Variants in MGA observed in about 807,000 individuals in gnomAD.
The protein encoded by MGA is MAX dimerization protein MGA, also known as MAX gene-associated protein.
In MGA, 40 loss-of-function variants were observed where a neutral mutation model predicts 261.1. That is an observed-to-expected ratio of 0.15 (90% CI 0.12 to 0.20). MGA has a LOEUF of 0.20. Ranked by LOEUF, MGA falls within the 10% of genes least tolerant of loss-of-function variation. The pLI is 1.00. For synonymous variants in MGA, 1,302 were observed against 1,290.6 expected (o/e 1.01, Z -0.19); for missense variants, 3,397 against 3,630.5 (o/e 0.94, Z 1.65).
intron 4 of MGA, 52 bp from the exon 5 acceptor site, chr15:41,699,012 T>C: frequency 1.9e-6 from 3 of 1,559,454 alleles, no homozygotes; most frequent in Non-Finnish European, 2.6e-6. Flanking sequence ...GCAACATTCA[T>C]TTGTCTGTAG....
Position 41,710,827 on chromosome 15 carries a change from G to A in MGA, c.2562G>A (p.Val854=), listed in dbSNP as rs2060351576. The A allele has an allele frequency of 1.9e-6, 3 of 1,613,988 alleles. No homozygotes were observed. The highest frequency in any genetic ancestry group is 2.5e-6 in the Non-Finnish European group (3 of 1,179,886). ...CTAATGCTCCCACATCTCCTGTGGT[G>A]TACCAGCTTCCCACTAAGAGTACCA... is the stretch of plus-strand genomic sequence containing the variant. Residue 854 remains valine (V), a synonymous_variant, in exon 8 of 24, where the codon GTG becomes GTA. Transcript: ENST00000219905.
At chr15:41,676,541 A>G (rs1338330870) in intron 2 of MGA, among the ~76,000 whole-genome samples, 3 of 152,168 alleles carry the variant, frequency 2.0e-5, no homozygotes, top group Non-Finnish European at 4.4e-5. Context: ...TGTTCCCACA[A>G]TCTAGAATCC....
intron 1 of MGA, among the ~76,000 whole-genome samples, chr15:41,622,099 G>A (rs2056311709): frequency 6.6e-6 from 1 of 152,150 alleles, no homozygotes; most frequent in Admixed American, 6.5e-5. Context: ...TGGTTTTCCA[G>A]CGTCTTTGCT....
intron 13 of MGA, among the ~76,000 whole-genome samples, chr15:41,738,256 G>A (rs565242505): frequency 4.0e-5 from 6 of 151,640 alleles, no homozygotes; most frequent in South Asian, 2.1e-4. Flanking sequence ...AAAATTAGCC[G>A]GGCATGGTGG....
chr15:41,659,320 G>C (rs1378115643), upstream of MGA, among the ~76,000 whole-genome samples: 1 of 152,114 alleles, frequency 6.6e-6, no homozygotes, highest in African/African-American at 2.4e-5. Context: ...GCCTCCTTCT[G>C]TTGACTCCTT....
chr15:41,741,929 C>CT (rs971331978), intron 14 of MGA, among the ~76,000 whole-genome samples: 14 of 150,992 alleles, frequency 9.3e-5, no homozygotes, highest in African/African-American at 3.4e-4. Context: ...CCAGGCTGGT[C>CT]TTGAACTCCT....
intron 2 of MGA, chr15:41,691,548 A>G: frequency 2.5e-6 from 1 of 403,234 alleles, no homozygotes; most frequent in Non-Finnish European, 5.4e-6. Flanking sequence ...AATCATCCTG[A>G]TAGAATCTCT....
chr15:41,686,602 G>A (rs2058985557), intron 2 of MGA, among the ~76,000 whole-genome samples: 1 of 151,976 alleles, frequency 6.6e-6, no homozygotes, highest in East Asian at 1.9e-4. Context: ...ATTTTTTATA[G>A]CATGTTGGGT....
Position 41,743,114 on chromosome 15 carries a change from C to G in MGA, c.5154C>G (p.Gly1718=). The change falls in exon 15 of 24, where the codon GGC becomes GGG. Residue 1718 remains glycine, a synonymous_variant. Transcript: ENST00000219905. ...TGACCACACCAACTTCATCTCTGGG[C>G]TCTGTTCCTATTATACTCTCAGGAA... 6.2e-7 allele frequency: 1 copy of G among 1,613,684 alleles called. No homozygotes were observed. The highest frequency in any genetic ancestry group is 1.7e-5 in the Admixed American group (1 of 59,966).
chr15:41,713,823 C>T (rs1323144294), intron 9 of MGA, among the ~76,000 whole-genome samples: 4 of 152,142 alleles, frequency 2.6e-5, no homozygotes, highest in Admixed American at 1.3e-4. Context: ...GGTAGACACA[C>T]GTACGTTCCT....
intron 5 of MGA, 113 bp downstream of exon 5, chr15:41,699,272 C>CT: frequency 1.5e-6 from 1 of 685,524 alleles, no homozygotes; most frequent in Non-Finnish European, 2.3e-6. Flanking sequence ...TTTCCTCTTT[C>CT]TTTCTAGCCT....
At chr15:41,650,997 G>T (rs1028481284) in intron 1 of MGA, among the ~76,000 whole-genome samples, 10 of 152,130 alleles carry the variant, frequency 6.6e-5, no homozygotes, top group African/African-American at 2.4e-4. Context: ...AGTTCTGGAG[G>T]CTGGGAAGTC....
Position 41,713,196 on chromosome 15 carries a change from G to A in MGA, c.3130G>A (p.Ala1044Thr). 1.2e-6 allele frequency: 2 copies of A among 1,613,874 alleles called. No individual in the cohort carries two copies. Among genetic ancestry groups the A allele is most frequent in the Non-Finnish European group, 1.7e-6 (2 of 1,179,880 alleles). ...TATCCACACAATCATAAGGAAACGA[G>A]CCCCTCCCTGCAACAATGACTTCTG... Residue 1044 changes from alanine to threonine, a missense_variant, in exon 9 of 24, where the codon GCC becomes ACC. This residue lies in a region of MGA where 519 missense variants were observed against 554.1 expected (regional missense o/e 0.94). Coordinates refer to ENST00000219905, the MANE Select transcript of MGA (RefSeq NM_001164273.2).
chr15:41,667,876 T>C (rs1311119567), intron 1 of MGA, among the ~76,000 whole-genome samples: 3 of 152,164 alleles, frequency 2.0e-5, no homozygotes, highest in Non-Finnish European at 4.4e-5. Flanking sequence ...TGATCTTGGC[T>C]CAGTGCACCT....
chr15:41,702,892 T>G (rs1290979776), intron 5 of MGA, among the ~76,000 whole-genome samples: 2 of 152,152 alleles, frequency 1.3e-5, no homozygotes, highest in Admixed American at 1.3e-4. Context: ...TTTGGAAGAG[T>G]TTTAGATTTA....
At position 41,767,026 on chromosome 15, in the gene MGA, T is replaced by C; in HGVS notation, c.8944T>C (p.Leu2982=). Residue 2982 remains leucine, a synonymous_variant, in exon 24 of 24, where the codon TTG becomes CTG. Coordinates refer to ENST00000219905, the MANE Select transcript of MGA (RefSeq NM_001164273.2). The stretch of plus-strand genomic sequence containing the variant: ...GGAGAACAGCAACAGCACAGACACT[T>C]TGTGGAGGCCTATGCCAAAGTTGGC... 6.2e-7 allele frequency: 1 copy of C among 1,613,998 alleles called. No homozygotes were observed.
intron 9 of MGA, among the ~76,000 whole-genome samples, chr15:41,714,738 C>T (rs999439818): frequency 2.6e-5 from 4 of 152,178 alleles, no homozygotes; most frequent in Non-Finnish European, 5.9e-5. Flanking sequence ...GGCAATCTTC[C>T]TGCCTTAGCC....
intron 5 of MGA, among the ~76,000 whole-genome samples, chr15:41,703,368 A>C (rs1396685161): frequency 0.016 from 1,505 of 92,786 alleles, 37 homozygotes; most frequent in Admixed American, 0.028. Flanking sequence ...TTGTGAAGTT[A>C]CCCCCCCCCC....
intron 11 of MGA, among the ~76,000 whole-genome samples, chr15:41,732,872 C>T (rs1431354683): frequency 6.6e-6 from 1 of 152,202 alleles, no homozygotes; most frequent in East Asian, 1.9e-4. Context: ...CCAAGATGAA[C>T]CATTCAGACT....
Sources: allele counts gnomAD v4.1 joint callset (sites outside exome capture counted in the v4.1 genomes callset), GRCh38; gene constraint gnomAD v4.1.1; regional missense constraint gnomAD v4.1.1; transcripts MANE v1.5; gene names NCBI Gene and HGNC (gene_info 2026-07-23, HGNC 2026-07-21).